Variants in METAP1D observed in about 807,000 individuals in gnomAD.
METAP1D encodes methionyl aminopeptidase type 1D, mitochondrial.
METAP1D carries 31 observed loss-of-function variants against 40.5 expected under a neutral mutation model. The ratio of observed to expected loss-of-function variants is 0.77; its 90% CI spans 0.58 to 1.03. METAP1D has a LOEUF of 1.03. METAP1D is among the 50% of genes least tolerant of loss of function. METAP1D has a pLI of 0.00. For missense variants in METAP1D, 411 were observed against 420.7 expected (o/e 0.98, Z 0.20); for synonymous variants, 151 against 146.4 (o/e 1.03, Z -0.22).
intron 1 of METAP1D, among the ~76,000 whole-genome samples, chr2:172,030,487 A>G (rs1254673616): frequency 6.6e-6 from 1 of 152,208 alleles, no homozygotes; most frequent in African/African-American, 2.4e-5. Flanking sequence ...GTGACACAAC[A>G]TTGCTACCAT....
intron 8 of METAP1D, 28 bp from the exon 9 acceptor site, chr2:172,080,100 A>C: frequency 4.4e-5 from 66 of 1,491,400 alleles, no homozygotes; most frequent in Non-Finnish European, 5.4e-5. Flanking sequence ...TGATGAGGTC[A>C]CTGCAGTAAA....
At position 172,079,282 on chromosome 2, in the gene METAP1D, C is replaced by G. The variant is rs200395724; in HGVS notation, c.850+20C>G. On this transcript the variant is annotated intron_variant, in intron 8 of 9. Coordinates refer to ENST00000315796, the MANE Select transcript of METAP1D (RefSeq NM_199227.3). ...CTATAGGTAAATTGAGCTCCTCTTC[C>G]GAGTGAGTGCGTAGCTCCTGGTGGA... 7 of 1,613,364 alleles carry G rather than the reference C, an allele frequency of 4.3e-6. No homozygotes were observed. The highest frequency in any genetic ancestry group is 5.9e-6 in the Non-Finnish European group (7 of 1,179,336).
intron 5 of METAP1D, among the ~76,000 whole-genome samples, chr2:172,069,370 G>GA (rs1453964886): frequency 1.3e-5 from 2 of 151,930 alleles, no homozygotes; most frequent in Non-Finnish European, 2.9e-5. Flanking sequence ...CTTGTATTTT[G>GA]AATGAAATCG....
chr2:172,036,254 T>C (rs1177476428), intron 1 of METAP1D, among the ~76,000 whole-genome samples: 2 of 148,426 alleles, frequency 1.3e-5, no homozygotes, highest in South Asian at 2.2e-4. Context: ...GAGGCGGAGC[T>C]TGCAGAGAGC....
intron 1 of METAP1D, among the ~76,000 whole-genome samples, chr2:172,052,056 A>G (rs904818610): frequency 6.6e-6 from 1 of 152,206 alleles, no homozygotes; most frequent in African/African-American, 2.4e-5. Context: ...TAGAATATTT[A>G]TTTCAGACAA....
chr2:172,052,073 T>C (rs1689897033), intron 1 of METAP1D, among the ~76,000 whole-genome samples: 1 of 152,234 alleles, frequency 6.6e-6, no homozygotes, highest in African/African-American at 2.4e-5. Flanking sequence ...ACAAGTATTA[T>C]GCCCACATAT....
chr2:172,014,009 G>T (rs1558994112), intron 1 of METAP1D, among the ~76,000 whole-genome samples: 1 of 151,636 alleles, frequency 6.6e-6, no homozygotes, highest in African/African-American at 2.4e-5. Context: ...TTTTAGTAGA[G>T]ACGGGGTTTC....
At chr2:172,034,986 C>CTTTTTTTT (rs66853451) in intron 1 of METAP1D, among the ~76,000 whole-genome samples, 4 of 135,558 alleles carry the variant, frequency 3.0e-5, no homozygotes, top group African/African-American at 5.4e-5. Context: ...GAATTTTTTT[C>CTTTTTTTT]TTTTTTTTTT....
intron 1 of METAP1D, among the ~76,000 whole-genome samples, chr2:172,023,973 G>A (rs1433238956): frequency 6.6e-6 from 1 of 151,246 alleles, no homozygotes; most frequent in East Asian, 1.9e-4. Flanking sequence ...CCCCACCTCA[G>A]CCTCCCAAGT....
chr2:172,039,637 G>A (rs190151915), intron 1 of METAP1D, among the ~76,000 whole-genome samples: 22 of 151,590 alleles, frequency 1.5e-4, no homozygotes, highest in African/African-American at 5.3e-4. Flanking sequence ...TTTTTGTGGG[G>A]TGGGGGTGAT....
At chr2:172,001,531 C>A (rs899786571) in intron 1 of METAP1D, among the ~76,000 whole-genome samples, 2 of 151,052 alleles carry the variant, frequency 1.3e-5, no homozygotes, top group Non-Finnish European at 2.9e-5. Flanking sequence ...GAGCGAGACT[C>A]CGTCTCAGAA....
intron 1 of METAP1D, among the ~76,000 whole-genome samples, chr2:172,041,725 T>TA (rs1559006366): frequency 6.8e-4 from 27 of 39,812 alleles, no homozygotes; most frequent in African/African-American, 1.2e-3. Context: ...CTCTAATTAT[T>TA]TTATATATAT....
At chr2:172,011,162 G>A (rs982226089) in intron 1 of METAP1D, among the ~76,000 whole-genome samples, 6 of 152,202 alleles carry the variant, frequency 3.9e-5, no homozygotes, top group Non-Finnish European at 5.9e-5. Context: ...AAAGAGTTGT[G>A]CAAGCATCAC....
At chr2:172,071,631 C>A (rs1690423010) in intron 6 of METAP1D, among the ~76,000 whole-genome samples, 1 of 152,106 alleles carries the variant, frequency 6.6e-6, no homozygotes, top group Non-Finnish European at 1.5e-5. Flanking sequence ...ACAGAGTATT[C>A]TATCCTTACT....
chr2:172,017,235 TACACACACACAC>T (rs370746234), intron 1 of METAP1D, among the ~76,000 whole-genome samples: 30 of 139,482 alleles, frequency 2.2e-4, no homozygotes, highest in Non-Finnish European at 3.4e-4. Flanking sequence ...TGAAAGGTTT[TACACACACACAC>T]ACACACACAC....
At chr2:172,040,544 G>A (rs960420848) in intron 1 of METAP1D, among the ~76,000 whole-genome samples, 5 of 152,124 alleles carry the variant, frequency 3.3e-5, no homozygotes, top group Non-Finnish European at 5.9e-5. Context: ...AAAATTTTAA[G>A]ACATACTGCT....
chr2:172,014,853 C>T (rs1254664140), intron 1 of METAP1D, among the ~76,000 whole-genome samples: 1 of 151,744 alleles, frequency 6.6e-6, no homozygotes, highest in Non-Finnish European at 1.5e-5. Context: ...GGGGTTTCAC[C>T]ATGTTAGCCA....
At chr2:172,068,289 A>T (rs1336928652) in intron 5 of METAP1D, among the ~76,000 whole-genome samples, 3 of 152,066 alleles carry the variant, frequency 2.0e-5, no homozygotes, top group Admixed American at 2.0e-4. Context: ...GCTACTTAGG[A>T]GGCTGAGGCA....
At chr2:172,036,304 G>A (rs1457850023) in intron 1 of METAP1D, among the ~76,000 whole-genome samples, 2 of 137,594 alleles carry the variant, frequency 1.5e-5, no homozygotes, top group Admixed American at 7.3e-5. Flanking sequence ...GCGACAGAGC[G>A]AGACTCTGTC....
Sources: gnomAD v4.1 joint callset for allele counts (sites outside exome capture counted in the v4.1 genomes callset) on GRCh38, gnomAD v4.1.1 for gene constraint, MANE v1.5 for transcripts, NCBI Gene and HGNC (gene_info 2026-07-23, HGNC 2026-07-21) for gene names.